The following TRDN variants were observed in gnomAD, a reference collection of about 807,000 sequenced individuals.
The protein encoded by TRDN is triadin in skeletal muscle.
In TRDN, 161 loss-of-function variants were observed where a neutral mutation model predicts 149.7. The observed-to-expected ratio is 1.08, with a 90% CI of 0.95 to 1.23. TRDN has a LOEUF of 1.23. Among genes scored for constraint, TRDN ranks in the 50% most tolerant of loss-of-function variants. TRDN has a pLI of 0.00. For synonymous variants in TRDN, 294 were observed against 250.5 expected (o/e 1.17, Z -1.64); for missense variants, 896 against 823.5 (o/e 1.09, Z -1.08).
intron 12 of TRDN, among the ~76,000 whole-genome samples, chr6:123,427,777 AAT>A (rs1774183952): frequency 6.6e-6 from 1 of 152,156 alleles, no homozygotes; most frequent in African/African-American, 2.4e-5. Flanking sequence ...TTTATTTTAA[AAT>A]ATCTTTATTA....
At chr6:123,224,341 A>G (rs1220820517) in intron 38 of TRDN, among the ~76,000 whole-genome samples, 1 of 151,746 alleles carries the variant, frequency 6.6e-6, no homozygotes, top group African/African-American at 2.4e-5. Context: ...GTGCTGCACT[A>G]TGGTAATCAG....
At chr6:123,565,128 A>G (rs1782214871) in intron 2 of TRDN, among the ~76,000 whole-genome samples, 2 of 152,336 alleles carry the variant, frequency 1.3e-5, no homozygotes, top group East Asian at 1.9e-4. Context: ...AGAAATTTGT[A>G]AGAAATTTCA....
At chr6:123,453,480 A>G (rs561260647) in intron 10 of TRDN, among the ~76,000 whole-genome samples, 4 of 152,276 alleles carry the variant, frequency 2.6e-5, no homozygotes, top group Admixed American at 2.6e-4. Flanking sequence ...AAGAAGATAT[A>G]CAAATGGCCA....
At chr6:123,346,015 T>G (rs1358118850) in intron 21 of TRDN, among the ~76,000 whole-genome samples, 1 of 152,086 alleles carries the variant, frequency 6.6e-6, no homozygotes, top group Non-Finnish European at 1.5e-5. Context: ...GTACACCATT[T>G]ATTTCCTTTT....
intron 12 of TRDN, among the ~76,000 whole-genome samples, chr6:123,430,861 G>A (rs1213931927): frequency 2.0e-5 from 3 of 152,112 alleles, no homozygotes; most frequent in African/African-American, 7.2e-5. Flanking sequence ...AACCAAAAGT[G>A]AATATGTGAA....
intron 2 of TRDN, among the ~76,000 whole-genome samples, chr6:123,555,321 C>T (rs1011578564): frequency 2.0e-5 from 3 of 152,000 alleles, no homozygotes; most frequent in East Asian, 1.9e-4. Context: ...GAATTTATTG[C>T]GTTCTTATTT....
At chr6:123,348,068 T>G (rs1780323892) in intron 21 of TRDN, among the ~76,000 whole-genome samples, 1 of 152,084 alleles carries the variant, frequency 6.6e-6, no homozygotes, top group South Asian at 2.1e-4. Flanking sequence ...GGGAAATAAT[T>G]TTTCCTTTTT....
intron 18 of TRDN, 67 bp from the exon 19 acceptor site, chr6:123,375,698 T>A: frequency 3.3e-6 from 4 of 1,228,534 alleles, no homozygotes; most frequent in Non-Finnish European, 2.2e-6. Context: ...TCCAAAATAA[T>A]TGTAAGGTTA....
intron 38 of TRDN, among the ~76,000 whole-genome samples, chr6:123,226,577 C>T (rs910365429): frequency 1.3e-5 from 2 of 151,880 alleles, no homozygotes; most frequent in African/African-American, 4.8e-5. Context: ...AGCTGAGTCA[C>T]ATGTCAATCG....
chr6:123,344,142 A>G (rs1780166788), intron 21 of TRDN, among the ~76,000 whole-genome samples: 1 of 151,940 alleles, frequency 6.6e-6, no homozygotes, highest in Admixed American at 6.6e-5. Flanking sequence ...TTTATAAGCC[A>G]CCCAGTCAAT....
intron 4 of TRDN, among the ~76,000 whole-genome samples, chr6:123,545,488 C>T (rs995235761): frequency 7.9e-5 from 12 of 151,806 alleles, no homozygotes; most frequent in Admixed American, 5.3e-4. Context: ...TCACTTTCAA[C>T]TAAGGTTTAT....
In TRDN at chr6:123,275,465, A is replaced by G. The variant is rs531471151; in HGVS notation, c.1568-795T>C. ...TATTCTCCTCTACGGTTTTAAAAAG[A>G]AGTGTTGCTTTGTCAACACCTTGAT... On this transcript the variant is annotated intron_variant, in intron 26 of 40. Transcript: ENST00000334268. Among the ~76,000 whole-genome samples, 7 of 152,294 alleles carry G rather than the reference A, an allele frequency of 4.6e-5. No individual in the cohort carries two copies. In the South Asian group the frequency reaches 1.2e-3, roughly 27 times the overall value.
intron 13 of TRDN, among the ~76,000 whole-genome samples, chr6:123,391,485 T>G (rs1006349202): frequency 2.6e-5 from 4 of 152,066 alleles, no homozygotes; most frequent in African/African-American, 7.2e-5. Flanking sequence ...TATTGTCTCA[T>G]GTCTTAATAG....
chr6:123,562,186 C>G (rs923146333), intron 2 of TRDN, among the ~76,000 whole-genome samples: 1 of 152,052 alleles, frequency 6.6e-6, no homozygotes, highest in Non-Finnish European at 1.5e-5. Context: ...CCCCCTTTGA[C>G]TGTAATTTTC....
chr6:123,559,998 C>T (rs1312549186), intron 2 of TRDN, among the ~76,000 whole-genome samples: 1 of 152,210 alleles, frequency 6.6e-6, no homozygotes, highest in Non-Finnish European at 1.5e-5. Flanking sequence ...CAAGGCTTCA[C>T]AGACAGACCC....
At chr6:123,540,020 G>C (rs1315928744) in intron 4 of TRDN, among the ~76,000 whole-genome samples, 1 of 152,180 alleles carries the variant, frequency 6.6e-6, no homozygotes, top group Admixed American at 6.5e-5. Flanking sequence ...ACAAAAATTA[G>C]ATGATGTAGA....
intron 37 of TRDN, among the ~76,000 whole-genome samples, chr6:123,253,050 AAGAT>A (rs1332454480): frequency 6.6e-6 from 1 of 152,098 alleles, no homozygotes; most frequent in Non-Finnish European, 1.5e-5. Context: ...TTTTCTTTCA[AAGAT>A]AGATAAAATA....
intron 24 of TRDN, among the ~76,000 whole-genome samples, chr6:123,307,146 T>G (rs1778640448): frequency 6.6e-6 from 1 of 152,038 alleles, no homozygotes; most frequent in Non-Finnish European, 1.5e-5. Context: ...TGGCAATAAA[T>G]GTTATTGGTC....
chr6:123,278,821 A>G (rs965486710), intron 25 of TRDN, among the ~76,000 whole-genome samples: 1 of 152,214 alleles, frequency 6.6e-6, no homozygotes, highest in African/African-American at 2.4e-5. Context: ...ATTTTTAATG[A>G]CAAGGTAAGG....
Sources: gnomAD v4.1 joint callset for allele counts (sites outside exome capture counted in the v4.1 genomes callset) on GRCh38, gnomAD v4.1.1 for gene constraint, MANE v1.5 for transcripts, NCBI Gene and HGNC (gene_info 2026-07-23, HGNC 2026-07-21) for gene names.